MYNN: variants seen among roughly 807,000 people sequenced by gnomAD.
MYNN encodes zinc finger and BTB domain-containing protein 31.
A neutral mutation model predicts 57.2 loss-of-function variants in MYNN; 22 were observed. The ratio of observed to expected loss-of-function variants is 0.38; its 90% CI spans 0.27 to 0.55. MYNN has a LOEUF of 0.55. Ranked by LOEUF, MYNN falls within the 20% of genes least tolerant of loss-of-function variation. The pLI, the probability that MYNN is intolerant of heterozygous loss-of-function variation, is 0.71. For missense variants in MYNN, 566 were observed against 723.1 expected (o/e 0.78, Z 2.49); for synonymous variants, 241 against 257.1 (o/e 0.94, Z 0.60).
At chr3:169,783,445 C>T (rs771245855) in intron 5 of MYNN, 32 bp from the exon 6 acceptor site, 2 of 1,242,274 alleles carry the variant, frequency 1.6e-6, no homozygotes, top group South Asian at 1.2e-5. Context: ...TGGTATAGTA[C>T]ACCACTTCGC....
At chr3:169,776,229 C>A (rs1487743119) in intron 2 of MYNN, among the ~76,000 whole-genome samples, 1 of 152,182 alleles carries the variant, frequency 6.6e-6, no homozygotes, top group Non-Finnish European at 1.5e-5. Context: ...TGGTACATAT[C>A]TTTCCTGGAG....
At chr3:169,785,797 G>A (rs1003637939) in intron 7 of MYNN, among the ~76,000 whole-genome samples, 2 of 152,016 alleles carry the variant, frequency 1.3e-5, no homozygotes, top group African/African-American at 4.8e-5. Context: ...TTAGAGTAAC[G>A]GAAGCATGTT....
intron 2 of MYNN, chr3:169,777,522 T>C (rs1337842034): frequency 4.0e-5 from 6 of 151,794 alleles, no homozygotes; most frequent in Non-Finnish European, 8.8e-5. Flanking sequence ...CAAATACTTA[T>C]AACAGTCATG....
intron 6 of MYNN, 84 bp from the exon 7 acceptor site, chr3:169,784,538 C>A: frequency 1.2e-6 from 1 of 843,836 alleles, no homozygotes; most frequent in Non-Finnish European, 1.9e-6. Flanking sequence ...ATAATTTTTG[C>A]CTTGTGTTCA....
chr3:169,786,580 G>A lies in MYNN; in HGVS notation c.1735G>A (p.Val579Ile). 1.2e-6 allele frequency: 2 copies of A among 1,613,654 alleles called. No individual in the cohort carries two copies. The highest frequency in any genetic ancestry group is 1.7e-6 in the Non-Finnish European group (2 of 1,179,652). Residue 579 changes from valine (V) to isoleucine (I), a missense_variant, in exon 8 of 8, where the codon GTC becomes ATC. Coordinates refer to ENST00000349841, the MANE Select transcript of MYNN (RefSeq NM_018657.5). ...GTEDHHMLLPVTDTQSPTSDT... is the reference protein window; with the variant it reads ...GTEDHHMLLPITDTQSPTSDT... ...TGAGGACCATCACATGCTTCTGCCTGTCACGGATACTCAGTCTCCTACATC... is the reference window on the plus strand; with the variant it reads ...TGAGGACCATCACATGCTTCTGCCTATCACGGATACTCAGTCTCCTACATC...
At chr3:169,784,912 T>TCAAA (rs757380665) in intron 7 of MYNN, among the ~76,000 whole-genome samples, 4 of 134,680 alleles carry the variant, frequency 3.0e-5, no homozygotes, top group Non-Finnish European at 3.2e-5. Flanking sequence ...ATCTCTTATT[T>TCAAA]AAAAAAAAAA....
chr3:169,788,777 T>C lies in MYNN; in HGVS notation c.*2099T>C, dbSNP rs1778742982. 1 of 152,198 alleles carries C rather than the reference T, an allele frequency of 6.6e-6. No homozygotes were observed. The highest frequency in any genetic ancestry group is 1.5e-5 in the Non-Finnish European group (1 of 68,016). 9.4% of individuals were successfully genotyped at this position (152,198 alleles called of 1,614,324 possible). Reference sequence around the variant, plus strand: ...TTATTTAAATTGACATGGCTTGAGTTGTCATCATTTTCTGCTCTTCTAGAA... The same window carrying C: ...TTATTTAAATTGACATGGCTTGAGTCGTCATCATTTTCTGCTCTTCTAGAA... On this transcript the variant is annotated 3_prime_UTR_variant, in exon 8 of 8. Coordinates refer to ENST00000349841, the MANE Select transcript of MYNN (RefSeq NM_018657.5).
rs1778434395 is a variant in MYNN, at chr3:169,779,062, C to T, written c.561C>T (p.Asn187=). The change falls in exon 3 of 8, where the codon AAC becomes AAT. Residue 187 remains asparagine, a synonymous_variant. Coordinates refer to ENST00000349841, the MANE Select transcript of MYNN (RefSeq NM_018657.5). ...CGAAAAAGAAGAAGAAGGCTTTCAACTCCCCGAAAACAGGGCAGAATAAAA... is the reference window on the plus strand; with the variant it reads ...CGAAAAAGAAGAAGAAGGCTTTCAATTCCCCGAAAACAGGGCAGAATAAAA... ...SQTKKKKKAF[N]SPKTGQNKTV... 1.9e-6 allele frequency: 3 copies of T among 1,614,134 alleles called. No homozygotes were observed. The highest frequency in any genetic ancestry group is 2.5e-6 in the Non-Finnish European group (3 of 1,180,042).
At chr3:169,784,476 A>T in intron 6 of MYNN, 146 bp from the exon 7 acceptor site, 1 of 576,810 alleles carries the variant, frequency 1.7e-6, no homozygotes, top group Non-Finnish European at 3.1e-6. Flanking sequence ...ATTTCACTAT[A>T]TTATAACCAG....
Position 169,782,415 on chromosome 3 carries a change from A to G in MYNN, c.1221-50A>G. 3 of 1,498,430 alleles carry G rather than the reference A, an allele frequency of 2.0e-6. No homozygotes were observed. The highest frequency in any genetic ancestry group is 2.7e-6 in the Non-Finnish European group (3 of 1,096,172). The allele number at this position is 1,498,430 out of a possible 1,614,324, so 92.8% of individuals were successfully genotyped here. On this transcript the variant is annotated intron_variant, in intron 4 of 7. Transcript: ENST00000349841. This position sits in a 1 kb window ranked among gnomAD's most constrained non-coding sequence, Gnocchi z 4.8. ...AAAAAACTTTATGAATTCTTGCTAT[A>G]TAGACTGACCTCCAAATTGTTTTAC...
intron 6 of MYNN, 91 bp from the exon 7 acceptor site, chr3:169,784,531 A>AT: frequency 1.3e-6 from 1 of 781,676 alleles, no homozygotes; most frequent in South Asian, 1.6e-5. Flanking sequence ...CACTATAATA[A>AT]TTTTTGCCTT....
intron 2 of MYNN, 125 bp from the exon 3 acceptor site, chr3:169,778,643 T>C (rs753154230): frequency 1.3e-5 from 9 of 684,554 alleles, no homozygotes; most frequent in Non-Finnish European, 2.2e-5. Context: ...ATTTTTCTCT[T>C]AGTTATGTCT....
chr3:169,779,369 G>A lies in MYNN; in HGVS notation c.868G>A (p.Gly290Arg), dbSNP rs747631092. 1.3e-5 allele frequency: 21 copies of A among 1,614,040 alleles called. No individual in the cohort carries two copies. Among genetic ancestry groups the A allele is most frequent in the East Asian group, 8.9e-5 (4 of 44,898 alleles). ...GAGTCCTTATGAGGCGGAGAACTCC[G>A]GGGAAGAGCTGGATCAGAGGTATTC... ...VKSPYEAENSGEELDQRYSKA... is the reference protein window; with the variant it reads ...VKSPYEAENSREELDQRYSKA... Residue 290 changes from glycine to arginine, a missense_variant, in exon 3 of 8, where the codon GGG becomes AGG. Physicochemically the swap from Gly to Arg is moderately radical, Grantham distance 125. Coordinates refer to ENST00000349841, the MANE Select transcript of MYNN (RefSeq NM_018657.5).
chr3:169,774,699 GAAAT>G, intron 2 of MYNN, 138 bp downstream of exon 2: 1 of 785,822 alleles, frequency 1.3e-6, no homozygotes. Context: ...TTTTTATAAA[GAAAT>G]CAGTATCACT....
intron 4 of MYNN, among the ~76,000 whole-genome samples, chr3:169,781,117 T>G (rs898362923): frequency 4.7e-5 from 7 of 147,782 alleles, no homozygotes; most frequent in South Asian, 2.3e-4. Context: ...GTGAAAGAAA[T>G]AAGTAGTAGT....
At chr3:169,775,490 T>A (rs1420835998) in intron 2 of MYNN, among the ~76,000 whole-genome samples, 2 of 152,204 alleles carry the variant, frequency 1.3e-5, no homozygotes, top group Non-Finnish European at 2.9e-5. Context: ...ATCTTTCCTG[T>A]CAGTCGCTAT....
chr3:169,775,383 A>T (rs1283724444), intron 2 of MYNN, among the ~76,000 whole-genome samples: 1 of 152,184 alleles, frequency 6.6e-6, no homozygotes, highest in East Asian at 1.9e-4. Flanking sequence ...AACTGATTAA[A>T]TTACCCCTGT....
At position 169,779,411 on chromosome 3, in the gene MYNN, T is replaced by G. The variant is rs1258430499; in HGVS notation, c.910T>G (p.Cys304Gly). ...GAGGTATTCCAAGGCCAAGCCAATG[T>G]GTAACACATGTGGGAAAGTGTTTTC... is the stretch of plus-strand genomic sequence containing the variant. ...DQRYSKAKPM[C>G]NTCGKVFSEA... is the part of the protein sequence containing the mutation. Residue 304 changes from cysteine (C) to glycine (G), a missense_variant, in exon 3 of 8, where the codon TGT becomes GGT. Physicochemically the swap from Cys to Gly is radical, Grantham distance 159. Transcript: ENST00000349841. The G allele has an allele frequency of 6.2e-7, 1 of 1,614,200 alleles. No individual in the cohort carries two copies. Among genetic ancestry groups the G allele is most frequent in the South Asian group, 1.1e-5 (1 of 91,088 alleles).
rs528213512 is a variant in MYNN, at chr3:169,788,694, G to A, written c.*2016G>A. The A allele has an allele frequency of 6.6e-6, 1 of 152,190 alleles. No individual in the cohort carries two copies. Among genetic ancestry groups the A allele is most frequent in the East Asian group, 1.9e-4 (1 of 5,184 alleles). 9.4% of individuals were successfully genotyped at this position (152,190 alleles called of 1,614,324 possible). ...TAGTATTATTTGATACGATTGAAGT[G>A]GCTAAGATTGATTGAGCTTTTCTTG... On this transcript the variant is annotated 3_prime_UTR_variant, in exon 8 of 8. Transcript: ENST00000349841.
Sources: allele counts gnomAD v4.1 joint callset (sites outside exome capture counted in the v4.1 genomes callset), GRCh38; gene constraint gnomAD v4.1.1; non-coding constraint Gnocchi (gnomAD v3.1); transcripts MANE v1.5; gene names NCBI Gene and HGNC (gene_info 2026-07-23, HGNC 2026-07-21).